Variants in ADAP1 observed in about 807,000 individuals in gnomAD.
ADAP1 encodes ArfGAP with dual PH domains 1.
Under a neutral mutation model 54.9 loss-of-function variants are expected in ADAP1, and 31 were observed. The ratio of observed to expected loss-of-function variants is 0.56; its 90% CI spans 0.42 to 0.76. ADAP1 has a LOEUF of 0.76. ADAP1 is among the 30% of genes least tolerant of loss of function. The pLI is 0.00. For synonymous variants in ADAP1, 313 were observed against 202.6 expected, an observed-to-expected ratio of 1.55 and a Z score of -4.63; for missense variants, 535 against 512.4, an observed-to-expected ratio of 1.04 and a Z score of -0.42.
chr7:902,660 C>A (rs1844880505), intron 6 of ADAP1, among the ~76,000 whole-genome samples: 2 of 151,364 alleles, frequency 1.3e-5, no homozygotes, highest in Admixed American at 1.3e-4. Context: ...AAAATGAGAA[C>A]AGGGAAAGTG....
intron 4 of ADAP1, among the ~76,000 whole-genome samples, chr7:914,255 G>C (rs930765605): frequency 6.6e-6 from 1 of 152,230 alleles, no homozygotes; most frequent in African/African-American, 2.4e-5. Flanking sequence ...GTGGGGTTGT[G>C]GGTGTGGCAG....
rs1048316624 is a variant in ADAP1, at chr7:920,134, A to G, written c.306-84T>C. On this transcript the variant is annotated intron_variant, in intron 3 of 10. Transcript: ENST00000265846. This position sits in a 1 kb window ranked among gnomAD's most constrained non-coding sequence, Gnocchi z 4.5. ...CCGCTCTCTGGCCCGGACCCTGGAC[A>G]TCTCAAGAGGCTCATAGGGACCCCC... 50 of 1,303,114 alleles carry G rather than the reference A, an allele frequency of 3.8e-5. No individual in the cohort carries two copies. Among genetic ancestry groups the G allele is most frequent in the Non-Finnish European group, 5.3e-5 (49 of 931,698 alleles). The allele number at this position is 1,303,114 out of a possible 1,614,324, so 80.7% of individuals were successfully genotyped here. A position where few individuals can be genotyped will look rare whatever the true frequency, so the allele number is the denominator to read the frequency against.
At chr7:922,304 G>C (rs554748063) in intron 3 of ADAP1, among the ~76,000 whole-genome samples, 1 of 152,278 alleles carries the variant, frequency 6.6e-6, no homozygotes, top group Non-Finnish European at 1.5e-5. Flanking sequence ...AGGACCCCTA[G>C]GCCACCCCTT....
At chr7:929,060 G>A (rs28772653) in intron 2 of ADAP1, among the ~76,000 whole-genome samples, 1 of 152,234 alleles carries the variant, frequency 6.6e-6, no homozygotes, top group African/African-American at 2.4e-5. Context: ...TCAGGAGGCA[G>A]AGGTGGGCAG....
At position 903,606 on chromosome 7, in the gene ADAP1, T is replaced by G. The variant is rs574579790; in HGVS notation, c.648+520A>C. Among the ~76,000 whole-genome samples the G allele has an allele frequency of 2.6e-5, 4 of 152,224 alleles. No individual in the cohort carries two copies. The South Asian group carries it at 8.3e-4, about 32-fold the overall frequency. On this transcript the variant is annotated intron_variant, in intron 6 of 10. Coordinates refer to ENST00000265846, the MANE Select transcript of ADAP1 (RefSeq NM_006869.4). ...CCCAAAGACAAAAGGATAGCTTTTGTGGGGGTTTTACCTGGGTTCCCCCCA... is the reference window on the plus strand; with the variant it reads ...CCCAAAGACAAAAGGATAGCTTTTGGGGGGGTTTTACCTGGGTTCCCCCCA...
At chr7:933,516 C>A (rs1292442284) in intron 2 of ADAP1, among the ~76,000 whole-genome samples, 1 of 84,554 alleles carries the variant, frequency 1.2e-5, no homozygotes, top group Non-Finnish European at 2.3e-5. Context: ...TGCTGGAGAG[C>A]CGGGGGCCGG....
chr7:921,634 C>T (rs1295965185), intron 3 of ADAP1, among the ~76,000 whole-genome samples: 1 of 152,224 alleles, frequency 6.6e-6, no homozygotes, highest in Non-Finnish European at 1.5e-5. Context: ...GATGAGTTCA[C>T]CTTCACAGGG....
At chr7:921,702 C>T (rs540358730) in intron 3 of ADAP1, among the ~76,000 whole-genome samples, 96 of 152,318 alleles carry the variant, frequency 6.3e-4, no homozygotes, top group African/African-American at 2.1e-3. Flanking sequence ...CTGCCTGAGC[C>T]GCTCCGGCTG....
At position 909,275 on chromosome 7, in the gene ADAP1, G is replaced by A. The variant is rs60270966; in HGVS notation, c.389-4103C>T. The stretch of plus-strand genomic sequence containing the variant: ...GGAACCCCGGACCTCCCGACAGCAG[G>A]CGCCAGCGGGAACCCCGGTCCTCCC... On this transcript the variant is annotated intron_variant, in intron 4 of 10. Transcript: ENST00000265846. Among the ~76,000 whole-genome samples, 24 of 38,194 alleles carry A rather than the reference G, an allele frequency of 6.3e-4. 2 individuals are homozygous for A. The highest frequency in any genetic ancestry group is 4.8e-4 in the Non-Finnish European group (11 of 22,796). The allele number at this position is 38,194 out of a possible 152,430, so 25.1% of individuals were successfully genotyped here.
intron 4 of ADAP1, among the ~76,000 whole-genome samples, chr7:916,456 A>G (rs1845936051): frequency 6.6e-6 from 1 of 152,184 alleles, no homozygotes; most frequent in Non-Finnish European, 1.5e-5. Context: ...TGGTCACGCC[A>G]GCCCAGCCCA....
chr7:925,090 C>T (rs1453958118), intron 3 of ADAP1, among the ~76,000 whole-genome samples: 1 of 152,062 alleles, frequency 6.6e-6, no homozygotes, highest in Non-Finnish European at 1.5e-5. Flanking sequence ...GCAGCTGGAC[C>T]TGTCTCCAGG....
intron 8 of ADAP1, 139 bp from the exon 9 acceptor site, chr7:899,629 A>T: frequency 1.0e-6 from 1 of 963,724 alleles, no homozygotes; most frequent in Non-Finnish European, 1.5e-6. Flanking sequence ...GCCGCTGGCC[A>T]CGCCCCACGA....
At chr7:925,003 G>T (rs958960870) in intron 3 of ADAP1, among the ~76,000 whole-genome samples, 1 of 151,968 alleles carries the variant, frequency 6.6e-6, no homozygotes, top group East Asian at 1.9e-4. Context: ...CGCCAGGCCT[G>T]CCCGGGTGGG....
chr7:905,880 A>AGAAG (rs1562913143), intron 4 of ADAP1, among the ~76,000 whole-genome samples: 741 of 24,292 alleles, frequency 0.031, 13 homozygotes, highest in Admixed American at 0.04. Context: ...GAAGGGAGAA[A>AGAAG]GGAGAAAGGA....
chr7:902,629 C>T (rs1054573536), intron 6 of ADAP1, among the ~76,000 whole-genome samples: 1 of 151,444 alleles, frequency 6.6e-6, no homozygotes, highest in African/African-American at 2.4e-5. Flanking sequence ...AGTTTAAGAG[C>T]ACCAATAACA....
At chr7:912,615 G>A (rs973761089) in intron 4 of ADAP1, among the ~76,000 whole-genome samples, 4 of 152,208 alleles carry the variant, frequency 2.6e-5, no homozygotes, top group African/African-American at 9.6e-5. Flanking sequence ...GAGCATCTTG[G>A]GGAGACACAG....
Position 904,104 on chromosome 7 carries a change from C to T in ADAP1, c.648+22G>A, listed in dbSNP as rs764781696. ...GCCCACCCTCCTGTGCCACCCGGGCCCGAGTGCTCGCCAGCACCCACCTTC... is the reference window on the plus strand; with the variant it reads ...GCCCACCCTCCTGTGCCACCCGGGCTCGAGTGCTCGCCAGCACCCACCTTC... On this transcript the variant is annotated intron_variant, in intron 6 of 10. Transcript: ENST00000265846. 1.6e-5 allele frequency: 25 copies of T among 1,610,844 alleles called. No homozygotes were observed. In the East Asian group the frequency reaches 3.1e-4, roughly 20 times the overall value.
intron 2 of ADAP1, among the ~76,000 whole-genome samples, chr7:930,942 T>C (rs1227727959): frequency 6.9e-6 from 1 of 144,758 alleles, no homozygotes; most frequent in East Asian, 2.0e-4. Context: ...ATAGTGCCAC[T>C]GCATTCCAGC....
intron 4 of ADAP1, among the ~76,000 whole-genome samples, chr7:916,452 CGCCAGCCCAGCCCAT>C (rs1416433436): frequency 6.6e-6 from 1 of 152,204 alleles, no homozygotes; most frequent in African/African-American, 2.4e-5. Flanking sequence ...CCTGTGGTCA[CGCCAGCCCAGCCCAT>C]GCCTGCCTCT....
Sources: allele counts gnomAD v4.1 joint callset (sites outside exome capture counted in the v4.1 genomes callset), GRCh38; gene constraint gnomAD v4.1.1; non-coding constraint Gnocchi (gnomAD v3.1); transcripts MANE v1.5; gene names NCBI Gene and HGNC (gene_info 2026-07-23, HGNC 2026-07-21).